Variants in LMNTD1 observed in about 807,000 individuals in gnomAD.
LMNTD1 encodes the protein lamin tail domain-containing protein 1.
In LMNTD1, 35 loss-of-function variants were observed where a neutral mutation model predicts 50.9. That is an observed-to-expected ratio of 0.69 (90% CI 0.53 to 0.91). The LOEUF is 0.91. Among genes scored for constraint, LMNTD1 ranks in the 40% least tolerant of loss-of-function variants. The pLI is 0.00. For missense variants in LMNTD1, 470 were observed against 475.5 expected, an observed-to-expected ratio of 0.99 and a Z score of 0.11; for synonymous variants, 153 against 161.9, an observed-to-expected ratio of 0.94 and a Z score of 0.42.
intron 9 of LMNTD1, chr12:25,497,649 T>G (rs1939136456): frequency 6.6e-6 from 1 of 151,990 alleles, no homozygotes; most frequent in Non-Finnish European, 1.5e-5. Flanking sequence ...AATACAAAAA[T>G]TAGCCATGCA....
intron 9 of LMNTD1, among the ~76,000 whole-genome samples, chr12:25,496,754 A>G (rs1054362100): frequency 6.6e-6 from 1 of 152,174 alleles, no homozygotes; most frequent in Admixed American, 6.5e-5. Context: ...TTAGTGTACA[A>G]TTCAGTGGCA....
Position 25,546,540 on chromosome 12 carries a change from A to G in LMNTD1, c.325T>C (p.Ser109Pro). 6.4e-7 allele frequency: 1 copy of G among 1,557,198 alleles called. No individual in the cohort carries two copies. Among genetic ancestry groups the G allele is most frequent in the Non-Finnish European group, 8.7e-7 (1 of 1,149,362 alleles). The change falls in exon 4 of 10, where the codon TCA becomes CCA. Residue 109 changes from serine to proline, a missense_variant. Coordinates refer to ENST00000458174, the MANE Select transcript of LMNTD1 (RefSeq NM_001145728.2). ...GATTCATCCTGTTTCTTCGGAACTG[A>G]GAAGGGGCTGGCATCTTTCAAGTAG... The part of the protein sequence containing the change: ...VENSLDASPF[S>P]VPKKQDESPM...
intron 9 of LMNTD1, chr12:25,499,884 G>GC (rs1305953677): frequency 6.6e-6 from 1 of 152,154 alleles, no homozygotes; most frequent in Non-Finnish European, 1.5e-5. Flanking sequence ...GTTTGCTCAG[G>GC]CATTTGATTT....
rs766228353 is a variant in LMNTD1, at chr12:25,526,068, A to T, written c.798+31T>A. ...CTCAATAAGCACAATATTTAAAAAA[A>T]AAAAACGATTGTTAAGAACCAGAAA... is the stretch of plus-strand genomic sequence containing the variant. On this transcript the variant is annotated intron_variant, in intron 6 of 9. Transcript: ENST00000458174. The T allele has an allele frequency of 2.7e-5, 41 of 1,531,974 alleles. 1 individual carries two copies. In the South Asian group the frequency reaches 5.2e-4, roughly 19 times the overall value. The allele number at this position is 1,531,974 out of a possible 1,614,324, so 94.9% of individuals were successfully genotyped here.
At chr12:25,535,371 G>A (rs187416542) in intron 4 of LMNTD1, among the ~76,000 whole-genome samples, 341 of 152,062 alleles carry the variant, frequency 2.2e-3, no homozygotes, top group Non-Finnish European at 3.7e-3. Context: ...CCCTTAAAAG[G>A]AGAGAGGAAG....
chr12:25,555,973 T>G (rs993835316), upstream of LMNTD1, among the ~76,000 whole-genome samples: 3 of 135,102 alleles, frequency 2.2e-5, no homozygotes, highest in African/African-American at 8.2e-5. Flanking sequence ...ATCTTTTTTT[T>G]TTTTTTTTTT....
intron 1 of LMNTD1, among the ~76,000 whole-genome samples, chr12:25,631,511 G>A (rs1288385773): frequency 1.3e-5 from 2 of 152,192 alleles, no homozygotes; most frequent in African/African-American, 4.8e-5. Context: ...CCCAGAGCCA[G>A]GTAGACTTGA....
intron 1 of LMNTD1, among the ~76,000 whole-genome samples, chr12:25,570,738 T>C (rs971822530): frequency 6.6e-6 from 1 of 152,196 alleles, no homozygotes; most frequent in Admixed American, 6.5e-5. Flanking sequence ...AGTGGATCAA[T>C]AATTAGACGA....
chr12:25,606,225 G>T (rs1946098324), intron 1 of LMNTD1, among the ~76,000 whole-genome samples: 1 of 152,182 alleles, frequency 6.6e-6, no homozygotes, highest in South Asian at 2.1e-4. Flanking sequence ...AGCTTAAGGA[G>T]ATTTTGGGCT....
chr12:25,520,388 C>G (rs963655500), intron 6 of LMNTD1, among the ~76,000 whole-genome samples: 2 of 151,890 alleles, frequency 1.3e-5, no homozygotes, highest in African/African-American at 4.8e-5. Flanking sequence ...TATTTCCTCC[C>G]CTGCTCCCAT....
At chr12:25,614,468 G>C (rs940376508) in intron 1 of LMNTD1, among the ~76,000 whole-genome samples, 4 of 152,126 alleles carry the variant, frequency 2.6e-5, no homozygotes, top group African/African-American at 9.7e-5. Flanking sequence ...TTGCAGAGTA[G>C]TCATCCATGA....
At chr12:25,631,979 G>GGACA (rs1946728637) in intron 1 of LMNTD1, among the ~76,000 whole-genome samples, 2 of 152,054 alleles carry the variant, frequency 1.3e-5, no homozygotes, top group South Asian at 4.1e-4. Flanking sequence ...AGGAAACATT[G>GGACA]GACACACTTA....
intron 1 of LMNTD1, among the ~76,000 whole-genome samples, chr12:25,576,088 C>A (rs1159030178): frequency 6.6e-6 from 1 of 152,200 alleles, no homozygotes; most frequent in African/African-American, 2.4e-5. Context: ...TCCAGTCTAT[C>A]ATTGACGGAC....
At chr12:25,521,649 C>T (rs1941334244) in intron 6 of LMNTD1, among the ~76,000 whole-genome samples, 3 of 152,024 alleles carry the variant, frequency 2.0e-5, no homozygotes, top group Admixed American at 1.3e-4. Flanking sequence ...AAAATTCATC[C>T]AGCTATTGAA....
chr12:25,558,665 G>A (rs1944144199), intron 1 of LMNTD1, among the ~76,000 whole-genome samples: 1 of 152,190 alleles, frequency 6.6e-6, no homozygotes. Context: ...GGCCGGGGAG[G>A]CCTCACAATC....
At chr12:25,592,707 G>A (rs1022633637) in intron 1 of LMNTD1, 4 of 152,382 alleles carry the variant, frequency 2.6e-5, no homozygotes, top group East Asian at 1.9e-4. Context: ...TGATTGAGAA[G>A]TCTCCTGGCC....
intron 1 of LMNTD1, among the ~76,000 whole-genome samples, chr12:25,593,257 C>G (rs758878528): frequency 7.2e-5 from 11 of 152,144 alleles, no homozygotes; most frequent in Non-Finnish European, 1.5e-4. Context: ...CCAACCATCA[C>G]AAAAATAGTG....
chr12:25,627,346 G>A (rs561672286), intron 1 of LMNTD1, among the ~76,000 whole-genome samples: 10 of 152,028 alleles, frequency 6.6e-5, no homozygotes, highest in South Asian at 4.2e-4. Flanking sequence ...AACTCTAAGC[G>A]CAGACATTGT....
At chr12:25,589,671 A>G (rs193006654) in intron 1 of LMNTD1, among the ~76,000 whole-genome samples, 1 of 152,230 alleles carries the variant, frequency 6.6e-6, no homozygotes, top group Admixed American at 6.5e-5. Context: ...TATTGTTTTG[A>G]TGCTCCAGAC....
Sources: allele counts gnomAD v4.1 joint callset (sites outside exome capture counted in the v4.1 genomes callset), GRCh38; gene constraint gnomAD v4.1.1; transcripts MANE v1.5; gene names NCBI Gene and HGNC (gene_info 2026-07-23, HGNC 2026-07-21).